Variants in CRIM1 observed in about 807,000 individuals in gnomAD.
CRIM1 encodes the protein cysteine rich transmembrane BMP regulator 1.
In CRIM1, 32 loss-of-function variants were observed where a neutral mutation model predicts 116.4. The ratio of observed to expected loss-of-function variants is 0.27; its 90% CI spans 0.21 to 0.37. CRIM1 has a LOEUF of 0.37. Ranked by LOEUF, CRIM1 falls within the 10% of genes least tolerant of loss-of-function variation. CRIM1 has a pLI of 1.00. For synonymous variants in CRIM1, 590 were observed against 509.2 expected (o/e 1.16, Z -2.13); for missense variants, 1,331 against 1,354.8 (o/e 0.98, Z 0.28).
At chr2:36,539,253 G>C (rs1271559093) in intron 14 of CRIM1, among the ~76,000 whole-genome samples, 1 of 152,180 alleles carries the variant, frequency 6.6e-6, no homozygotes, top group Non-Finnish European at 1.5e-5. Flanking sequence ...CAGTTCTCAT[G>C]GGGAACAGGC....
chr2:36,361,262 A>G (rs1323618532), intron 1 of CRIM1, among the ~76,000 whole-genome samples: 1 of 152,336 alleles, frequency 6.6e-6, no homozygotes, highest in East Asian at 1.9e-4. Context: ...CATATTGTAC[A>G]CTGACCAGGA....
At chr2:36,375,974 A>G (rs1190358310) in intron 1 of CRIM1, among the ~76,000 whole-genome samples, 2 of 152,230 alleles carry the variant, frequency 1.3e-5, no homozygotes, top group African/African-American at 2.4e-5. Flanking sequence ...GGCACCCACC[A>G]TAACCACCAC....
At chr2:36,490,757 C>A (rs1680170660) in intron 7 of CRIM1, among the ~76,000 whole-genome samples, 2 of 152,142 alleles carry the variant, frequency 1.3e-5, no homozygotes, top group African/African-American at 2.4e-5. Context: ...AGAGCCCCGA[C>A]CCACTCTCCC....
At chr2:36,544,562 T>A in intron 15 of CRIM1, 64 bp downstream of exon 15, 1 of 1,305,174 alleles carries the variant, frequency 7.7e-7, no homozygotes, top group Non-Finnish European at 9.8e-7. Context: ...TGTTTTCTAA[T>A]TTTTAAAATT....
chr2:36,424,788 A>C (rs1194617616), intron 2 of CRIM1, among the ~76,000 whole-genome samples: 7 of 152,190 alleles, frequency 4.6e-5, no homozygotes, highest in Non-Finnish European at 1.0e-4. Context: ...CATGAGCCTC[A>C]ATGGATATCT....
intron 2 of CRIM1, among the ~76,000 whole-genome samples, chr2:36,423,614 A>G (rs1421032562): frequency 2.0e-5 from 3 of 152,206 alleles, no homozygotes; most frequent in Non-Finnish European, 4.4e-5. Context: ...ATGTTTTTGC[A>G]TACTTTGGGT....
chr2:36,360,211 C>A (rs988993137), intron 1 of CRIM1, among the ~76,000 whole-genome samples: 1 of 152,154 alleles, frequency 6.6e-6, no homozygotes, highest in Non-Finnish European at 1.5e-5. Context: ...GCATGACCAG[C>A]CTCTCTGGGC....
In CRIM1 at chr2:36,356,327, G is replaced by C; in HGVS notation, c.35G>C (p.Gly12Ala). 2.5e-6 allele frequency: 4 copies of C among 1,578,864 alleles called. No individual in the cohort carries two copies. The highest frequency in any genetic ancestry group is 3.4e-6 in the Non-Finnish European group (4 of 1,165,434). ...YLVAGDRGLA[G>A]CGHLLVSLLG... ...GTGGCGGGGGACAGGGGGTTGGCCGGCTGCGGGCACCTCCTGGTCTCGCTG... is the reference window on the plus strand; with the variant it reads ...GTGGCGGGGGACAGGGGGTTGGCCGCCTGCGGGCACCTCCTGGTCTCGCTG... Residue 12 changes from glycine (G) to alanine (A), a missense_variant, in exon 1 of 17, where the codon GGC becomes GCC. Gly to Ala is a moderately conservative substitution (Grantham distance 60, BLOSUM62 0). Transcript: ENST00000280527. This position sits in a 1 kb window ranked among gnomAD's most constrained non-coding sequence, Gnocchi z 4.3.
chr2:36,484,613 G>C (rs972602455), intron 7 of CRIM1, among the ~76,000 whole-genome samples: 2 of 152,168 alleles, frequency 1.3e-5, no homozygotes, highest in African/African-American at 2.4e-5. Flanking sequence ...AAGTCTTGAT[G>C]TCAGACCTGA....
At chr2:36,449,449 G>A (rs1676514246) in intron 4 of CRIM1, among the ~76,000 whole-genome samples, 1 of 152,176 alleles carries the variant, frequency 6.6e-6, no homozygotes, top group African/African-American at 2.4e-5. Flanking sequence ...ACACATACCT[G>A]TGAGTAAACC....
intron 12 of CRIM1, among the ~76,000 whole-genome samples, chr2:36,521,327 G>C (rs187479697): frequency 1.4e-4 from 22 of 152,214 alleles, no homozygotes; most frequent in African/African-American, 5.1e-4. Flanking sequence ...TTATCTTTCA[G>C]TCATTAATGT....
rs561304129 is a variant in CRIM1, at chr2:36,477,190, G to T, written c.1174+119G>T. On this transcript the variant is annotated intron_variant, in intron 6 of 16. Transcript: ENST00000280527. ...AAGGAATATTGAAGTTCCTTTTTTAGCCTTTTTTAAGACACCATGGTCTGT... is the reference window on the plus strand; with the variant it reads ...AAGGAATATTGAAGTTCCTTTTTTATCCTTTTTTAAGACACCATGGTCTGT... 4 of 835,448 alleles carry T rather than the reference G, an allele frequency of 4.8e-6. No homozygotes were observed. The Admixed American group carries it at 1.0e-4, about 21-fold the overall frequency. The allele number at this position is 835,448 out of a possible 1,614,324, so 51.8% of individuals were successfully genotyped here.
intron 4 of CRIM1, among the ~76,000 whole-genome samples, chr2:36,446,836 G>A (rs1221278651): frequency 2.0e-5 from 3 of 152,192 alleles, no homozygotes; most frequent in Admixed American, 6.5e-5. Context: ...AAGGGAAAAT[G>A]GGACTGTCTG....
intron 2 of CRIM1, among the ~76,000 whole-genome samples, chr2:36,413,465 A>T (rs1403461681): frequency 6.6e-6 from 1 of 152,126 alleles, no homozygotes; most frequent in Non-Finnish European, 1.5e-5. Flanking sequence ...CTTTTCACAC[A>T]AGCGGGAAAG....
At chr2:36,436,340 G>T (rs1359551963) in intron 2 of CRIM1, among the ~76,000 whole-genome samples, 1 of 152,036 alleles carries the variant, frequency 6.6e-6, no homozygotes, top group Non-Finnish European at 1.5e-5. Context: ...GTGAATAGAG[G>T]GTTGAAAGAA....
Position 36,546,974 on chromosome 2 carries a change from T to C in CRIM1, c.2747-10T>C, listed in dbSNP as rs1301067775. On this transcript the variant is annotated splice_polypyrimidine_tract_variant and intron_variant, in intron 15 of 16. Transcript: ENST00000280527. ...TAGGTAATAAATGCTTATAATTTTTTTTCTCCTAGATATGGGTCACCTCCA... is the reference window on the plus strand; with the variant it reads ...TAGGTAATAAATGCTTATAATTTTTCTTCTCCTAGATATGGGTCACCTCCA... 2 of 1,525,400 alleles carry C rather than the reference T, an allele frequency of 1.3e-6. No homozygotes were observed. The highest frequency in any genetic ancestry group is 1.4e-5 in the African/African-American group (1 of 71,160). 94.5% of individuals were successfully genotyped at this position (1,525,400 alleles called of 1,614,324 possible). A position where few individuals can be genotyped will look rare whatever the true frequency, so the allele number is the denominator to read the frequency against.
chr2:36,507,164 T>C (rs543667921), intron 8 of CRIM1, among the ~76,000 whole-genome samples: 10 of 152,330 alleles, frequency 6.6e-5, no homozygotes, highest in African/African-American at 2.2e-4. Flanking sequence ...GTCAGTCTCC[T>C]CTTTATTTAA....
At chr2:36,374,943 T>A (rs573127009) in intron 1 of CRIM1, among the ~76,000 whole-genome samples, 1 of 152,228 alleles carries the variant, frequency 6.6e-6, no homozygotes, top group African/African-American at 2.4e-5. Flanking sequence ...AACTAACGAT[T>A]TGTAGGTTTT....
chr2:36,535,969 G>C (rs1043429687), intron 13 of CRIM1, among the ~76,000 whole-genome samples: 1 of 152,168 alleles, frequency 6.6e-6, no homozygotes, highest in African/African-American at 2.4e-5. Context: ...TGGCACATGA[G>C]CGTCTTTGGA....
Sources: allele counts gnomAD v4.1 joint callset (sites outside exome capture counted in the v4.1 genomes callset), GRCh38; gene constraint gnomAD v4.1.1; non-coding constraint Gnocchi (gnomAD v3.1); transcripts MANE v1.5; gene names NCBI Gene and HGNC (gene_info 2026-07-23, HGNC 2026-07-21).